The following WDR33 variants were observed in gnomAD, a reference collection of about 807,000 sequenced individuals.
WDR33 encodes pre-mRNA 3' end processing protein WDR33.
WDR33 carries 47 observed loss-of-function variants against 164.9 expected under a neutral mutation model. The observed-to-expected ratio is 0.29, with a 90% confidence interval of 0.23 to 0.36. The LOEUF (loss-of-function observed/expected upper bound fraction) is 0.36. WDR33 is among the 10% of genes least tolerant of loss of function. WDR33 has a pLI of 1.00. For missense variants in WDR33, 1,137 were observed against 1,754.1 expected, an observed-to-expected ratio of 0.65 and a Z score of 6.28; for synonymous variants, 505 against 589.0, an observed-to-expected ratio of 0.86 and a Z score of 2.06.
At position 127,764,663 on chromosome 2, in the gene WDR33, C is replaced by G; in HGVS notation, c.626+165G>C. ...CAACACTACTTCAGAAAGGTGCCAG[C>G]AAAATGGTGAATGTGTGAAAACAAA... On this transcript the variant is annotated intron_variant, in intron 6 of 21. Transcript: ENST00000322313. This position sits in a 1 kb window ranked among gnomAD's most constrained non-coding sequence, Gnocchi z 6.2. 6.4e-7 allele frequency: 1 copy of G among 1,571,330 alleles called. No homozygotes were observed. The highest frequency in any genetic ancestry group is 8.6e-7 in the Non-Finnish European group (1 of 1,157,376).
In WDR33 at chr2:127,712,381, C is replaced by G. The variant is rs549135253; in HGVS notation, c.3308+1202G>C. Among the ~76,000 whole-genome samples the G allele has an allele frequency of 8.6e-4, 127 of 148,136 alleles. 1 individual carries two copies. The highest frequency in any genetic ancestry group is 5.0e-3 in the Admixed American group (74 of 14,806). On this transcript the variant is annotated intron_variant, in intron 18 of 21. Coordinates refer to ENST00000322313, the MANE Select transcript of WDR33 (RefSeq NM_018383.5). This position sits in a 1 kb window ranked among gnomAD's most constrained non-coding sequence, Gnocchi z 4.0. ...ACTGCACTCCAGCCTGGCAACAGAG[C>G]AAGACTCCGTCTCAAGAAGAAAAAA...
At position 127,738,073 on chromosome 2, in the gene WDR33, T is replaced by G. The variant is rs768929769; in HGVS notation, c.725-11296A>C. ...CATGTATCTATCAAAACAAGAAGGG[T>G]GCATGAACTCTTAAATACTGTGCAG... On this transcript the variant is annotated intron_variant, in intron 7 of 21. Transcript: ENST00000322313. This position sits in a 1 kb window ranked among gnomAD's most constrained non-coding sequence, Gnocchi z 4.4. 1 of 1,610,892 alleles carries G rather than the reference T, an allele frequency of 6.2e-7. No individual in the cohort carries two copies. Among genetic ancestry groups the G allele is most frequent in the Non-Finnish European group, 8.5e-7 (1 of 1,178,594 alleles).
chr2:127,706,338 A>G lies in WDR33; in HGVS notation c.3996T>C (p.Gly1332=), dbSNP rs145473692. Residue 1332 remains glycine, a synonymous_variant, in exon 22 of 22, where the codon GGT becomes GGC. Coordinates refer to ENST00000322313, the MANE Select transcript of WDR33 (RefSeq NM_018383.5). This position sits in a 1 kb window ranked among gnomAD's most constrained non-coding sequence, Gnocchi z 5.1. ...GPPRRGASRG[G]GRGR ...GTTCCAGCTTCTACCGACCCCTTCC[A>G]CCACCCCGTGAAGCTCCTCGCCTCG... 107 of 1,573,698 alleles carry G rather than the reference A, an allele frequency of 6.8e-5. No individual in the cohort carries two copies. In the African/African-American group the frequency reaches 1.3e-3, roughly 19 times the overall value.
In WDR33 at chr2:127,714,833, T is replaced by A; in HGVS notation, c.2870-812A>T. ...TTTCCAGCTACTGAACTACTGCAGC[T>A]TTTATAAATGTTTACCTATTTTTGG... On this transcript the variant is annotated intron_variant, in intron 17 of 21. Transcript: ENST00000322313. This position sits in a 1 kb window ranked among gnomAD's most constrained non-coding sequence, Gnocchi z 4.3. Among the ~76,000 whole-genome samples the A allele has an allele frequency of 1.3e-5, 2 of 152,230 alleles. 1 individual carries two copies. Among genetic ancestry groups the A allele is most frequent in the Non-Finnish European group, 2.9e-5 (2 of 68,034 alleles).
intron 1 of WDR33, chr2:127,798,925 G>A (rs1689140950): frequency 1.3e-5 from 2 of 151,068 alleles, no homozygotes; most frequent in East Asian, 3.9e-4. Context: ...AAATTTAGCA[G>A]TTGGGGGTTG....
chr2:127,725,289 A>G, intron 8 of WDR33, 74 bp from the exon 9 acceptor site: 2 of 1,443,194 alleles, frequency 1.4e-6, no homozygotes, highest in South Asian at 2.8e-5. Flanking sequence ...TTTGTTGAAA[A>G]GCGAATTAAT....
At chr2:127,762,818 T>C (rs1231987422) in intron 7 of WDR33, 1 of 1,300,716 alleles carries the variant, frequency 7.7e-7, no homozygotes, top group Non-Finnish European at 9.8e-7. Context: ...GATAAGCAAG[T>C]AAGGGGGAGG....
intron 7 of WDR33, among the ~76,000 whole-genome samples, chr2:127,748,436 T>A (rs1194982482): frequency 6.6e-6 from 1 of 152,180 alleles, no homozygotes; most frequent in Non-Finnish European, 1.5e-5. Flanking sequence ...AAACTATAAT[T>A]CACAGGGAGG....
At position 127,794,518 on chromosome 2, in the gene WDR33, G is replaced by A. The variant is rs1158704256; in HGVS notation, c.-24+16494C>T. 2.1e-5 allele frequency among the ~76,000 whole-genome samples: 3 copies of A among 146,084 alleles called. No individual in the cohort carries two copies. The Admixed American group carries it at 2.1e-4, about 10-fold the overall frequency. On this transcript the variant is annotated intron_variant, in intron 1 of 21. Transcript: ENST00000322313. ...CTTCATCAAAGGAAAGGAAAGGATA[G>A]GAAAAGAAAAGAGACAAAGACAAGA...
intron 7 of WDR33, among the ~76,000 whole-genome samples, chr2:127,745,158 T>A (rs1687132274): frequency 6.6e-6 from 1 of 152,166 alleles, no homozygotes; most frequent in South Asian, 2.1e-4. Flanking sequence ...GAGAGCGGCC[T>A]TCAGTGGCAT....
At position 127,713,984 on chromosome 2, in the gene WDR33, C is replaced by T. The variant is rs151283651; in HGVS notation, c.2907G>A (p.Pro969=). 2.2e-5 allele frequency: 34 copies of T among 1,541,928 alleles called. No individual in the cohort carries two copies. In the African/African-American group the frequency reaches 3.9e-4, roughly 17 times the overall value. Reference sequence around the variant, plus strand: ...TCTGCTCATGCCGCCTCTCTGACATCGGGCCCATGTGATGGTTTGGAGGGC... The same window carrying T: ...TCTGCTCATGCCGCCTCTCTGACATTGGGCCCATGTGATGGTTTGGAGGGC... ...SRGPPNHHMG[P]MSERRHEQSG... is the part of the protein sequence containing the mutation. The change falls in exon 18 of 22, where the codon CCG becomes CCA. Residue 969 remains proline, a synonymous_variant. Coordinates refer to ENST00000322313, the MANE Select transcript of WDR33 (RefSeq NM_018383.5). The surrounding 1 kb of genome is among the most constrained non-coding windows in gnomAD (Gnocchi z 6.2).
At chr2:127,760,361 G>C (rs970997429) in intron 7 of WDR33, among the ~76,000 whole-genome samples, 4 of 152,160 alleles carry the variant, frequency 2.6e-5, no homozygotes, top group African/African-American at 9.7e-5. Flanking sequence ...GAGTCTATGC[G>C]TGTTACATGA....
At chr2:127,750,697 T>TGTATGCATAC (rs1558936908) in intron 7 of WDR33, among the ~76,000 whole-genome samples, 1 of 56,742 alleles carries the variant, frequency 1.8e-5, no homozygotes, top group African/African-American at 9.7e-5. Context: ...TATATATATA[T>TGTATGCATAC]ATATATATAT....
rs1414300676 is a variant in WDR33 at position 127,717,054 on chromosome 2, A to G, written c.2869+101T>C. The stretch of plus-strand genomic sequence containing the variant: ...CACCCTTATTTTGCCCAGAGGTTCA[A>G]ATGACCAGTCTATCAATGACTGGCC... On this transcript the variant is annotated intron_variant, in intron 17 of 21. Coordinates refer to ENST00000322313, the MANE Select transcript of WDR33 (RefSeq NM_018383.5). The surrounding 1 kb of genome is among the most constrained non-coding windows in gnomAD (Gnocchi z 5.6). The G allele has an allele frequency of 8.1e-7, 1 of 1,236,414 alleles. No individual in the cohort carries two copies. The highest frequency in any genetic ancestry group is 1.2e-6 in the Non-Finnish European group (1 of 862,660). 76.6% of individuals were successfully genotyped at this position (1,236,414 alleles called of 1,614,324 possible).
Position 127,709,409 on chromosome 2 carries a change from G to T in WDR33, c.3565+81C>A. 3 of 1,374,850 alleles carry T rather than the reference G, an allele frequency of 2.2e-6. No homozygotes were observed. The highest frequency in any genetic ancestry group is 2.1e-6 in the Non-Finnish European group (2 of 969,448). 85.2% of individuals were successfully genotyped at this position (1,374,850 alleles called of 1,614,324 possible). A position where few individuals can be genotyped will look rare whatever the true frequency, so the allele number is the denominator to read the frequency against. Reference sequence around the variant, plus strand: ...GACATGAGCTGGAAAGAGGAGACCCGGTGCACCCCAGAGAGGGCCCTCAGA... The same window carrying T: ...GACATGAGCTGGAAAGAGGAGACCCTGTGCACCCCAGAGAGGGCCCTCAGA... On this transcript the variant is annotated intron_variant, in intron 20 of 21. Coordinates refer to ENST00000322313, the MANE Select transcript of WDR33 (RefSeq NM_018383.5). This position sits in a 1 kb window ranked among gnomAD's most constrained non-coding sequence, Gnocchi z 5.0.
At chr2:127,744,988 T>C (rs1241665655) in intron 7 of WDR33, among the ~76,000 whole-genome samples, 1 of 152,204 alleles carries the variant, frequency 6.6e-6, no homozygotes, top group Non-Finnish European at 1.5e-5. Flanking sequence ...AGAATGGCAC[T>C]GCTAACGAAG....
chr2:127,792,798 A>T (rs543240166), intron 1 of WDR33, among the ~76,000 whole-genome samples: 1 of 152,356 alleles, frequency 6.6e-6, no homozygotes, highest in South Asian at 2.1e-4. Flanking sequence ...TGATCAAGCT[A>T]TACTTTTCAC....
chr2:127,721,099 T>G lies in WDR33; in HGVS notation c.1671+737A>C, dbSNP rs567203405. On this transcript the variant is annotated intron_variant, in intron 15 of 21. Transcript: ENST00000322313. This position sits in a 1 kb window ranked among gnomAD's most constrained non-coding sequence, Gnocchi z 4.9. Reference sequence around the variant, plus strand: ...TCTACTCACTGCCCCACTAATTCAGTTTTTTTATGTTGTTGTTGTTGTTTT... The same window carrying G: ...TCTACTCACTGCCCCACTAATTCAGGTTTTTTATGTTGTTGTTGTTGTTTT... Among the ~76,000 whole-genome samples the G allele has an allele frequency of 4.3e-4, 65 of 152,268 alleles. No homozygotes were observed. The highest frequency in any genetic ancestry group is 1.4e-3 in the African/African-American group (58 of 41,558).
At chr2:127,769,731 T>G (rs1687935098) in intron 2 of WDR33, among the ~76,000 whole-genome samples, 2 of 152,228 alleles carry the variant, frequency 1.3e-5, no homozygotes, top group Non-Finnish European at 2.9e-5. Context: ...TTCTCCTGTA[T>G]GCCTGCAACA....
Sources: gnomAD v4.1 joint callset for allele counts (sites outside exome capture counted in the v4.1 genomes callset) on GRCh38, gnomAD v4.1.1 for gene constraint, Gnocchi (gnomAD v3.1) non-coding constraint, MANE v1.5 for transcripts, NCBI Gene and HGNC (gene_info 2026-07-23, HGNC 2026-07-21) for gene names.